The following NR3C2 variants were observed in gnomAD, a reference collection of about 807,000 sequenced individuals.
NR3C2 encodes the protein mineralocorticoid receptor.
In NR3C2, 15 loss-of-function variants were observed where a neutral mutation model predicts 86.4. That is an observed-to-expected ratio of 0.17 (90% CI 0.12 to 0.27). NR3C2 has a LOEUF of 0.27. NR3C2 is among the 10% of genes least tolerant of loss of function. The pLI is 1.00. For synonymous variants in NR3C2, 458 were observed against 450.5 expected, an observed-to-expected ratio of 1.02 and a Z score of -0.21; for missense variants, 960 against 1,195.6, an observed-to-expected ratio of 0.80 and a Z score of 2.91.
At chr4:148,102,158 A>G (rs1731566624) in intron 8 of NR3C2, among the ~76,000 whole-genome samples, 1 of 152,050 alleles carries the variant, frequency 6.6e-6, no homozygotes, top group South Asian at 2.1e-4. Context: ...TTCCTTTAGC[A>G]GCAGCGCTTT....
intron 3 of NR3C2, among the ~76,000 whole-genome samples, chr4:148,258,888 C>T (rs546073312): frequency 3.3e-5 from 5 of 152,252 alleles, no homozygotes; most frequent in African/African-American, 1.2e-4. Flanking sequence ...AGCTCATAAT[C>T]CTGAGAAAGA....
At chr4:148,433,833 G>A (rs1203369048) in intron 2 of NR3C2, among the ~76,000 whole-genome samples, 1 of 152,140 alleles carries the variant, frequency 6.6e-6, no homozygotes, top group Non-Finnish European at 1.5e-5. Context: ...GGTTCTGATG[G>A]CAGCCATGCT....
chr4:148,290,517 A>T (rs1390813639), intron 2 of NR3C2, among the ~76,000 whole-genome samples: 2 of 152,226 alleles, frequency 1.3e-5, no homozygotes, highest in Non-Finnish European at 2.9e-5. Context: ...CAGCACAGAT[A>T]ACTAATATAA....
At chr4:148,210,505 CCTAATGTTCT>C (rs989632440) in intron 3 of NR3C2, among the ~76,000 whole-genome samples, 12 of 152,228 alleles carry the variant, frequency 7.9e-5, no homozygotes, top group African/African-American at 2.9e-4. Flanking sequence ...ATTCTGGGTT[CCTAATGTTCT>C]CTCCAGTGGG....
intron 8 of NR3C2, among the ~76,000 whole-genome samples, chr4:148,096,295 G>A (rs573089481): frequency 1.3e-5 from 2 of 152,202 alleles, no homozygotes; most frequent in South Asian, 2.1e-4. Flanking sequence ...GTATATAGAA[G>A]TATGAACTTT....
intron 2 of NR3C2, among the ~76,000 whole-genome samples, chr4:148,430,107 T>C (rs180955121): frequency 8.5e-5 from 13 of 152,270 alleles, no homozygotes; most frequent in Admixed American, 8.5e-4. Context: ...ATTTCAATAT[T>C]GCAAAAGGCA....
At chr4:148,371,607 T>C (rs1288686814) in intron 2 of NR3C2, among the ~76,000 whole-genome samples, 1 of 148,048 alleles carries the variant, frequency 6.8e-6, no homozygotes, top group Non-Finnish European at 1.5e-5. Context: ...TAGTGTCTAA[T>C]TCACTAGAAG....
At chr4:148,380,857 T>C (rs536239253) in intron 2 of NR3C2, among the ~76,000 whole-genome samples, 1 of 152,340 alleles carries the variant, frequency 6.6e-6, no homozygotes, top group East Asian at 1.9e-4. Context: ...TTAATCAGTA[T>C]TTTGTGACCA....
intron 2 of NR3C2, among the ~76,000 whole-genome samples, chr4:148,343,748 C>A (rs1409948081): frequency 6.6e-6 from 1 of 152,060 alleles, no homozygotes; most frequent in African/African-American, 2.4e-5. Flanking sequence ...CACTCAGTGA[C>A]AAACTCACAC....
intron 4 of NR3C2, among the ~76,000 whole-genome samples, chr4:148,155,135 T>C (rs7693776): frequency 6.6e-6 from 1 of 152,164 alleles, no homozygotes; most frequent in African/African-American, 2.4e-5. Flanking sequence ...TCACTGCCTG[T>C]CTCCTATAAG....
At chr4:148,123,277 GTTGT>G (rs1349194792) in intron 6 of NR3C2, among the ~76,000 whole-genome samples, 14 of 152,172 alleles carry the variant, frequency 9.2e-5, no homozygotes, top group African/African-American at 3.4e-4. Context: ...CTTGTTTTCT[GTTGT>G]TTAAGATGTT....
chr4:148,230,341 G>T (rs984350634), intron 3 of NR3C2, among the ~76,000 whole-genome samples: 1 of 152,090 alleles, frequency 6.6e-6, no homozygotes. Flanking sequence ...TTACAGGTGT[G>T]TGCCATCACA....
intron 4 of NR3C2, among the ~76,000 whole-genome samples, chr4:148,157,188 G>C (rs1378700739): frequency 1.3e-5 from 2 of 148,412 alleles, no homozygotes; most frequent in African/African-American, 2.5e-5. Flanking sequence ...ATAGCATTAG[G>C]AGATATACCT....
chr4:148,368,337 T>C (rs1746253569), intron 2 of NR3C2: 1 of 152,128 alleles, frequency 6.6e-6, no homozygotes. Flanking sequence ...GTAATAACAA[T>C]AGTTACTTAG....
At chr4:148,194,075 T>C (rs1326620583) in intron 4 of NR3C2, among the ~76,000 whole-genome samples, 2 of 152,258 alleles carry the variant, frequency 1.3e-5, no homozygotes, top group African/African-American at 4.8e-5. Flanking sequence ...TGCTTTCCTA[T>C]CTGGTAGAGC....
chr4:148,130,789 T>G (rs2149742255), intron 6 of NR3C2, among the ~76,000 whole-genome samples: 1 of 131,400 alleles, frequency 7.6e-6, no homozygotes, highest in African/African-American at 2.9e-5. Flanking sequence ...ATGAACACGT[T>G]TTTTTTTTTG....
intron 2 of NR3C2, among the ~76,000 whole-genome samples, chr4:148,350,803 T>C (rs1034136087): frequency 1.3e-5 from 2 of 152,168 alleles, no homozygotes; most frequent in Non-Finnish European, 2.9e-5. Context: ...ACAAGTTTTA[T>C]TGTTCAATAA....
intron 4 of NR3C2, among the ~76,000 whole-genome samples, chr4:148,179,357 G>A (rs1735543787): frequency 6.6e-6 from 1 of 151,532 alleles, no homozygotes; most frequent in Admixed American, 6.6e-5. Context: ...GCCCTTTAAG[G>A]AAGGCTAGAA....
intron 3 of NR3C2, among the ~76,000 whole-genome samples, chr4:148,229,510 T>C (rs1738354583): frequency 6.6e-6 from 1 of 152,164 alleles, no homozygotes; most frequent in South Asian, 2.1e-4. Flanking sequence ...ATTTTGGAAC[T>C]GGAAAGGGTA....
Sources: gnomAD v4.1 joint callset for allele counts (sites outside exome capture counted in the v4.1 genomes callset) on GRCh38, gnomAD v4.1.1 for gene constraint, MANE v1.5 for transcripts, NCBI Gene and HGNC (gene_info 2026-07-23, HGNC 2026-07-21) for gene names.